Variants in DAB1 observed in about 807,000 individuals in gnomAD.
The protein encoded by DAB1 is disabled homolog 1.
In DAB1, 15 loss-of-function variants were observed where a neutral mutation model predicts 64.6. That is an observed-to-expected ratio of 0.23 (90% CI 0.16 to 0.36). The LOEUF (loss-of-function observed/expected upper bound fraction) is 0.36, where lower values mean the gene tolerates loss of function less well. DAB1 is among the 10% of genes least tolerant of loss of function. DAB1 has a pLI of 1.00. For missense variants in DAB1, 596 were observed against 706.7 expected (o/e 0.84, Z 1.78); for synonymous variants, 235 against 251.9 (o/e 0.93, Z 0.64).
Position 57,193,381 on chromosome 1 carries a change from G to GTTTTTTTTTTT in DAB1, c.68-47963_68-47953dup, listed in dbSNP as rs999329119. Among the ~76,000 whole-genome samples, 89 of 83,068 alleles carry GTTTTTTTTTTT rather than the reference G, an allele frequency of 1.1e-3. 12 individuals are homozygous for GTTTTTTTTTTT. The highest frequency in any genetic ancestry group is 5.7e-3 in the East Asian group (15 of 2,642). The allele number at this position is 83,068 out of a possible 152,430, so 54.5% of individuals were successfully genotyped here. On this transcript the variant is annotated intron_variant, in intron 2 of 14. Transcript: ENST00000371236. Reference sequence around the variant, plus strand: ...CCTTCCAGATTCATCCGTAGCATATGTTTTTTTTTTTTTTTTTTTTTTTGA... The same window carrying GTTTTTTTTTTT: ...CCTTCCAGATTCATCCGTAGCATATGTTTTTTTTTTTTTTTTTTTTTTTTTTTTTTTTTTGA...
chr1:57,153,793 A>G (rs1328168651), intron 2 of DAB1, among the ~76,000 whole-genome samples: 1 of 151,928 alleles, frequency 6.6e-6, no homozygotes, highest in Non-Finnish European at 1.5e-5. Flanking sequence ...GACCGCCACC[A>G]CACCTGGCTA....
At chr1:58,412,787 A>G (rs1644683955) in intron 3 of DAB1, among the ~76,000 whole-genome samples, 2 of 152,210 alleles carry the variant, frequency 1.3e-5, no homozygotes, top group Non-Finnish European at 2.9e-5. Flanking sequence ...CCCAGTTCTA[A>G]TGTTTCTTAA....
At chr1:57,437,876 A>G (rs1252142578) in intron 7 of DAB1, among the ~76,000 whole-genome samples, 1 of 152,188 alleles carries the variant, frequency 6.6e-6, no homozygotes, top group Admixed American at 6.5e-5. Flanking sequence ...GATCACATTC[A>G]TGGTTTCATG....
intron 2 of DAB1, among the ~76,000 whole-genome samples, chr1:57,248,793 T>C (rs1000017459): frequency 6.6e-6 from 1 of 152,244 alleles, no homozygotes; most frequent in Non-Finnish European, 1.5e-5. Context: ...ACCACAGGTA[T>C]CTGCATTTGC....
intron 7 of DAB1, among the ~76,000 whole-genome samples, chr1:57,441,911 A>C (rs1685974153): frequency 6.6e-6 from 1 of 152,196 alleles, no homozygotes; most frequent in South Asian, 2.1e-4. Flanking sequence ...ATAGTGTATA[A>C]GTGTTCCCTT....
chr1:57,674,111 A>G (rs1039272417), intron 6 of DAB1, among the ~76,000 whole-genome samples: 1 of 152,168 alleles, frequency 6.6e-6, no homozygotes, highest in African/African-American at 2.4e-5. Context: ...AAGATTTTTT[A>G]AATTATGTGT....
intron 4 of DAB1, among the ~76,000 whole-genome samples, chr1:58,320,641 G>C (rs554233590): frequency 6.6e-6 from 1 of 152,288 alleles, no homozygotes; most frequent in African/African-American, 2.4e-5. Context: ...AAAGAAACCT[G>C]ACCTCAACTT....
intron 4 of DAB1, among the ~76,000 whole-genome samples, chr1:58,188,272 T>C (rs1425898898): frequency 6.6e-6 from 1 of 152,250 alleles, no homozygotes; most frequent in Non-Finnish European, 1.5e-5. Flanking sequence ...ACAGAGATCA[T>C]ACGCGGCTAG....
intron 3 of DAB1, among the ~76,000 whole-genome samples, chr1:58,434,334 T>A (rs1042496074): frequency 2.0e-5 from 3 of 150,978 alleles, no homozygotes; most frequent in Non-Finnish European, 4.4e-5. Context: ...GCTCTGTGAA[T>A]ACAGTAGTAG....
rs1027111424 is a variant in DAB1 at position 57,328,347 on chromosome 1, C to T, written c.-136-37181G>A. Reference sequence around the variant, plus strand: ...ACATTTGACCAACTGGTAAAGACCACGTGGGGTGCTATACTCAAAGAACCC... The same window carrying T: ...ACATTTGACCAACTGGTAAAGACCATGTGGGGTGCTATACTCAAAGAACCC... On this transcript the variant is annotated intron_variant, in intron 1 of 14. Transcript: ENST00000371236. 5.9e-5 allele frequency among the ~76,000 whole-genome samples: 9 copies of T among 152,186 alleles called. No individual in the cohort carries two copies. In the South Asian group the frequency reaches 1.0e-3, roughly 18 times the overall value.
At chr1:58,222,759 G>T (rs1047684904) in intron 4 of DAB1, among the ~76,000 whole-genome samples, 4 of 152,204 alleles carry the variant, frequency 2.6e-5, no homozygotes, top group African/African-American at 9.6e-5. Flanking sequence ...GACTATTCAT[G>T]TTATTGTCCA....
chr1:57,039,075 T>C (rs1381153310), intron 9 of DAB1, among the ~76,000 whole-genome samples: 2 of 152,220 alleles, frequency 1.3e-5, no homozygotes, highest in African/African-American at 4.8e-5. Flanking sequence ...AGAAATGTGA[T>C]GGTTTCAGGA....
intron 2 of DAB1, among the ~76,000 whole-genome samples, chr1:57,254,226 C>T (rs1669588910): frequency 6.6e-6 from 1 of 152,188 alleles, no homozygotes; most frequent in African/African-American, 2.4e-5. Context: ...ATCAGCTGGG[C>T]TTCTCTCACT....
chr1:57,268,112 C>A (rs374440072), intron 2 of DAB1, among the ~76,000 whole-genome samples: 3 of 152,140 alleles, frequency 2.0e-5, no homozygotes, highest in African/African-American at 7.2e-5. Context: ...ACTAATGAAA[C>A]CTTACAATTC....
At chr1:57,367,748 G>T (rs544977216) in intron 1 of DAB1, among the ~76,000 whole-genome samples, 1 of 152,098 alleles carries the variant, frequency 6.6e-6, no homozygotes, top group Admixed American at 6.5e-5. Flanking sequence ...TGAGTTGGTG[G>T]GGCAGGAACT....
chr1:57,106,082 G>A (rs763689173), intron 4 of DAB1, among the ~76,000 whole-genome samples: 3 of 152,164 alleles, frequency 2.0e-5, no homozygotes, highest in Non-Finnish European at 4.4e-5. Flanking sequence ...TGTCTTGTGA[G>A]GCCCCTAGCA....
At chr1:57,047,420 T>C (rs1208907239) in intron 9 of DAB1, among the ~76,000 whole-genome samples, 1 of 152,044 alleles carries the variant, frequency 6.6e-6, no homozygotes, top group African/African-American at 2.4e-5. Context: ...AGGGCTAGAT[T>C]AGGTAAAGGG....
In DAB1 at chr1:57,392,305, G is replaced by A. The variant is rs146938875; in HGVS notation, c.-137+31625C>T. On this transcript the variant is annotated intron_variant, in intron 1 of 14. Coordinates refer to ENST00000371236, the MANE Select transcript of DAB1 (RefSeq NM_001365792.1). The stretch of plus-strand genomic sequence containing the variant: ...GGAGAATTGCTTGAACCCAGGGGGC[G>A]GAGGTTGCAGTGAGCGAGATCGTGC... Among the ~76,000 whole-genome samples, 235 of 152,282 alleles carry A rather than the reference G, an allele frequency of 1.5e-3. 2 individuals are homozygous for A. Among genetic ancestry groups the A allele is most frequent in the African/African-American group, 4.5e-3 (185 of 41,550 alleles).
At chr1:57,913,699 A>G (rs1329980279) in intron 5 of DAB1, among the ~76,000 whole-genome samples, 1 of 152,214 alleles carries the variant, frequency 6.6e-6, no homozygotes, top group African/African-American at 2.4e-5. Context: ...TACTCATCTG[A>G]CAAAGGGCTA....
Sources: gnomAD v4.1 joint callset for allele counts (sites outside exome capture counted in the v4.1 genomes callset) on GRCh38, gnomAD v4.1.1 for gene constraint, MANE v1.5 for transcripts, NCBI Gene and HGNC (gene_info 2026-07-23, HGNC 2026-07-21) for gene names.